The following TRMT11 variants were observed in gnomAD, a reference collection of about 807,000 sequenced individuals.
The protein encoded by TRMT11 is tRNA methyltransferase 11.
A neutral mutation model predicts 62.8 loss-of-function variants in TRMT11; 53 were observed. The ratio of observed to expected loss-of-function variants is 0.84; its 90% CI spans 0.68 to 1.06. The LOEUF (loss-of-function observed/expected upper bound fraction) is 1.06. Ranked by LOEUF, TRMT11 falls within the 50% of genes least tolerant of loss-of-function variation. TRMT11 has a pLI of 0.00. For missense variants in TRMT11, 556 were observed against 553.4 expected (o/e 1.00, Z -0.05); for synonymous variants, 188 against 190.3 (o/e 0.99, Z 0.10).
chr6:126,179,082 C>G (rs566352314), intron 1 of TRMT11, among the ~76,000 whole-genome samples: 1 of 151,996 alleles, frequency 6.6e-6, no homozygotes, highest in Non-Finnish European at 1.5e-5. Context: ...TATCAGCTCC[C>G]CCACCCACCT....
chr6:126,144,642 A>T (rs1299181015), intron 21 of TRMT11, among the ~76,000 whole-genome samples: 2 of 152,052 alleles, frequency 1.3e-5, no homozygotes. Flanking sequence ...TTTTTTTCTT[A>T]TCAGACAGAT....
At chr6:126,191,357 A>C (rs147298699) in intron 1 of TRMT11, among the ~76,000 whole-genome samples, 3 of 151,862 alleles carry the variant, frequency 2.0e-5, no homozygotes, top group East Asian at 1.9e-4. Context: ...CCCTTGATAG[A>C]TAGCTAGCTT....
the TRMT11 span, among the ~76,000 whole-genome samples, chr6:126,264,395 G>A: frequency 3.9e-5 from 6 of 152,118 alleles, no homozygotes; most frequent in East Asian, 3.9e-4. Context: ...CTAACTATGT[G>A]TGTATAATCT....
chr6:126,172,966 G>A (rs951708704), upstream of TRMT11, among the ~76,000 whole-genome samples: 1 of 152,180 alleles, frequency 6.6e-6, no homozygotes, highest in South Asian at 2.1e-4. Flanking sequence ...GAACCGGGGT[G>A]TAAGAAGGAT....
At chr6:126,156,737 T>G (rs1583892597) in intron 21 of TRMT11, among the ~76,000 whole-genome samples, 1 of 151,348 alleles carries the variant, frequency 6.6e-6, no homozygotes, top group African/African-American at 2.4e-5. Flanking sequence ...AGGGAGGAGG[T>G]GCCACAAACT....
chr6:126,267,417 C>T, the TRMT11 span, among the ~76,000 whole-genome samples: 1 of 152,146 alleles, frequency 6.6e-6, no homozygotes, highest in African/African-American at 2.4e-5. Flanking sequence ...GGGCCACCCA[C>T]CTGAAGGCCT....
chr6:126,227,768 C>T, the TRMT11 span, among the ~76,000 whole-genome samples: 4 of 152,136 alleles, frequency 2.6e-5, no homozygotes, highest in East Asian at 1.9e-4. Context: ...CATTTACTTC[C>T]GTCTCTCTGT....
intron 17 of TRMT11, among the ~76,000 whole-genome samples, chr6:126,057,479 T>C (rs1443766928): frequency 1.3e-5 from 2 of 152,206 alleles, no homozygotes; most frequent in African/African-American, 2.4e-5. Flanking sequence ...ACCCTATTGA[T>C]TGGAATGGAT....
chr6:126,005,845 C>A (rs1793265390), intron 7 of TRMT11, among the ~76,000 whole-genome samples: 1 of 151,914 alleles, frequency 6.6e-6, no homozygotes, highest in Non-Finnish European at 1.5e-5. Flanking sequence ...CCCTCTCATC[C>A]CCTCTGTCAA....
intron 21 of TRMT11, among the ~76,000 whole-genome samples, chr6:126,133,896 A>T (rs984034935): frequency 3.5e-4 from 51 of 146,338 alleles, no homozygotes; most frequent in African/African-American, 1.3e-3. Context: ...CTTTCTCAAT[A>T]AAAAAAAAAT....
intron 1 of TRMT11, among the ~76,000 whole-genome samples, chr6:126,181,454 G>C (rs895451065): frequency 5.9e-5 from 9 of 152,146 alleles, no homozygotes; most frequent in African/African-American, 2.2e-4. Flanking sequence ...TTCTTCCAGT[G>C]ATAGAGAAGT....
the TRMT11 span, among the ~76,000 whole-genome samples, chr6:126,232,147 T>TG: frequency 6.6e-6 from 1 of 151,600 alleles, no homozygotes; most frequent in African/African-American, 2.4e-5. Flanking sequence ...GACATTTGTG[T>TG]TTGTGTGTGT....
intron 1 of TRMT11, chr6:126,198,738 A>G (rs757139585): frequency 6.6e-6 from 1 of 152,264 alleles, no homozygotes; most frequent in Non-Finnish European, 1.5e-5. Context: ...GAGAGGGTAA[A>G]AATAACTGCT....
At chr6:126,150,175 G>A (rs1278063425) in intron 21 of TRMT11, among the ~76,000 whole-genome samples, 1 of 152,074 alleles carries the variant, frequency 6.6e-6, no homozygotes, top group Non-Finnish European at 1.5e-5. Flanking sequence ...GGCTTTATAG[G>A]AAGAGGAAGA....
chr6:126,244,049 G>A, the TRMT11 span, among the ~76,000 whole-genome samples: 1 of 152,016 alleles, frequency 6.6e-6, no homozygotes, highest in South Asian at 2.1e-4. Context: ...AGAAAAGAAA[G>A]TTAAGGTCTT....
chr6:126,207,103 T>C (rs902397949), downstream of TRMT11, among the ~76,000 whole-genome samples: 4 of 152,198 alleles, frequency 2.6e-5, no homozygotes, highest in African/African-American at 9.6e-5. Flanking sequence ...CCACTTCGAA[T>C]TGAATGATTC....
intron 12 of TRMT11, among the ~76,000 whole-genome samples, chr6:126,026,536 G>A (rs1773129534): frequency 6.6e-6 from 1 of 151,878 alleles, no homozygotes; most frequent in Non-Finnish European, 1.5e-5. Flanking sequence ...ACAGGCGTGT[G>A]CCACCATGCC....
the TRMT11 span, among the ~76,000 whole-genome samples, chr6:126,236,042 T>C: frequency 6.6e-6 from 1 of 152,212 alleles, no homozygotes; most frequent in African/African-American, 2.4e-5. Context: ...CCTTAAGTAG[T>C]CACTTGTGAC....
At chr6:126,011,199 A>G (rs1209499749) in intron 8 of TRMT11, 54 bp from the exon 9 acceptor site, 9 of 1,448,920 alleles carry the variant, frequency 6.2e-6, no homozygotes, top group Admixed American at 2.3e-5. Flanking sequence ...TAAATGACAG[A>G]AAATAAGAAT....
Sources: gnomAD v4.1 joint callset for allele counts (sites outside exome capture counted in the v4.1 genomes callset) on GRCh38, gnomAD v4.1.1 for gene constraint, MANE v1.5 for transcripts, NCBI Gene and HGNC (gene_info 2026-07-23, HGNC 2026-07-21) for gene names.